RASGRP3: variants seen among roughly 807,000 people sequenced by gnomAD.
RASGRP3 encodes the protein ras guanyl-releasing protein 3.
A neutral mutation model predicts 82.7 loss-of-function variants in RASGRP3; 54 were observed. The ratio of observed to expected loss-of-function variants is 0.65; its 90% CI spans 0.52 to 0.82. RASGRP3 has a LOEUF of 0.82. Among genes scored for constraint, RASGRP3 ranks in the 40% least tolerant of loss-of-function variants. The probability of loss-of-function intolerance (pLI) is 0.00; values close to 1 mark genes in which losing one functional copy is unlikely to be tolerated. For synonymous variants in RASGRP3, 309 were observed against 300.5 expected, an observed-to-expected ratio of 1.03 and a Z score of -0.29; for missense variants, 861 against 828.9, an observed-to-expected ratio of 1.04 and a Z score of -0.48.
intron 12 of RASGRP3, among the ~76,000 whole-genome samples, chr2:33,540,778 G>C (rs978735187): frequency 1.4e-5 from 2 of 145,274 alleles, no homozygotes; most frequent in East Asian, 3.9e-4. Flanking sequence ...TATAAATATG[G>C]ATGTTAAACT....
At chr2:33,520,451 C>T in intron 5 of RASGRP3, 102 bp from the exon 6 acceptor site, 2 of 1,454,406 alleles carry the variant, frequency 1.4e-6, no homozygotes, top group South Asian at 1.3e-5. Flanking sequence ...CCTGGATGGT[C>T]CTGGACTTGG....
At chr2:33,517,077 T>G (rs1671540331) in intron 4 of RASGRP3, among the ~76,000 whole-genome samples, 1 of 152,194 alleles carries the variant, frequency 6.6e-6, no homozygotes, top group South Asian at 2.1e-4. Context: ...AAACATCAAT[T>G]TAGTTTTCAC....
intron 1 of RASGRP3, among the ~76,000 whole-genome samples, chr2:33,480,379 T>C (rs1404786090): frequency 6.6e-6 from 1 of 152,182 alleles, no homozygotes; most frequent in African/African-American, 2.4e-5. Flanking sequence ...TAATTCCACC[T>C]GCCTGCTGCC....
chr2:33,510,575 G>A (rs754348949), intron 1 of RASGRP3, among the ~76,000 whole-genome samples: 2 of 151,946 alleles, frequency 1.3e-5, no homozygotes, highest in East Asian at 1.9e-4. Flanking sequence ...TCTCCCTTTC[G>A]CTTCTACAAA....
Position 33,437,193 on chromosome 2 carries a change from T to A in RASGRP3, c.-385+602T>A, listed in dbSNP as rs927596126. Among the ~76,000 whole-genome samples the A allele has an allele frequency of 3.9e-5, 6 of 152,158 alleles. No homozygotes were observed. The East Asian group carries it at 1.2e-3, about 29-fold the overall frequency. On this transcript the variant is annotated intron_variant, in intron 1 of 18. Coordinates refer to the RASGRP3 transcript ENST00000402538. ...AGTGATAGAAAGTGTTCATAGTAGT[T>A]ATGTAGATTTAAATTATTATTTCCA...
rs760742886 is a variant in RASGRP3 at position 33,558,856 on chromosome 2, C to T, written c.1890C>T (p.Ser630=). ...WSEAGWGDSG[S]HTFPKMKSKF... ...AGGCTGGCTGGGGGGACTCGGGGTCCCACACCTTCCCTAAAATGAAATCCA... is the reference window on the plus strand; with the variant it reads ...AGGCTGGCTGGGGGGACTCGGGGTCTCACACCTTCCCTAAAATGAAATCCA... The change falls in exon 17 of 18, where the codon TCC becomes TCT. Residue 630 remains serine, a synonymous_variant. Transcript: ENST00000403687. 1 of 1,613,930 alleles carries T rather than the reference C, an allele frequency of 6.2e-7. No homozygotes were observed. The highest frequency in any genetic ancestry group is 1.1e-5 in the South Asian group (1 of 91,072).
chr2:33,503,243 G>C (rs1488170105), intron 1 of RASGRP3, among the ~76,000 whole-genome samples: 1 of 152,174 alleles, frequency 6.6e-6, no homozygotes, highest in Non-Finnish European at 1.5e-5. Context: ...GGAGGGCAGA[G>C]TCGTAGTATT....
At chr2:33,458,124 T>G (rs541147605) in intron 2 of RASGRP3, 1 of 152,300 alleles carries the variant, frequency 6.6e-6, no homozygotes, top group Non-Finnish European at 1.5e-5. Context: ...ACAGACCATC[T>G]GGGCCAGTAA....
rs10183876 is a variant in RASGRP3, at chr2:33,455,389, G to A, written c.-261+7446G>A. On this transcript the variant is annotated intron_variant, in intron 2 of 18. Transcript: ENST00000402538. The stretch of plus-strand genomic sequence containing the variant: ...GGATGTATAAGAAGCCACATCTTTT[G>A]ATTCTTAGTCCTGTGCAATTTTTAT... Among the ~76,000 whole-genome samples the A allele has an allele frequency of 5.0e-3, 762 of 152,290 alleles. 9 individuals are homozygous for A. Among genetic ancestry groups the A allele is most frequent in the African/African-American group, 0.018 (728 of 41,566 alleles).
At chr2:33,506,119 G>C (rs964881576) in intron 1 of RASGRP3, among the ~76,000 whole-genome samples, 1 of 152,172 alleles carries the variant, frequency 6.6e-6, no homozygotes, top group East Asian at 1.9e-4. Context: ...ATTGACTTCT[G>C]TTCAGTACTT....
chr2:33,513,546 C>T (rs3754823), intron 2 of RASGRP3, among the ~76,000 whole-genome samples: 44,967 of 152,072 alleles, frequency 0.3, 7,597 homozygotes, highest in Middle Eastern at 0.46. Context: ...TAGACATTGA[C>T]TTTAAACAGC....
intron 12 of RASGRP3, among the ~76,000 whole-genome samples, chr2:33,542,413 A>T (rs1175508140): frequency 6.8e-6 from 1 of 147,202 alleles, no homozygotes; most frequent in East Asian, 1.9e-4. Flanking sequence ...GCCTGTTTTC[A>T]ACATGCCCAC....
chr2:33,547,674 C>T (rs1345364915), intron 13 of RASGRP3, among the ~76,000 whole-genome samples: 1 of 152,072 alleles, frequency 6.6e-6, no homozygotes, highest in Non-Finnish European at 1.5e-5. Flanking sequence ...TCTTCAGCCC[C>T]ACTGTAAGCT....
At chr2:33,486,949 TG>T (rs1234702451) in intron 1 of RASGRP3, among the ~76,000 whole-genome samples, 1 of 152,116 alleles carries the variant, frequency 6.6e-6, no homozygotes, top group African/African-American at 2.4e-5. Context: ...GATTTATATA[TG>T]GCAAATTTCA....
At position 33,543,465 on chromosome 2, in the gene RASGRP3, G is replaced by T; in HGVS notation, c.1279-47G>T. The T allele has an allele frequency of 3.2e-6, 4 of 1,243,396 alleles. No individual in the cohort carries two copies. The South Asian group carries it at 5.4e-5, about 17-fold the overall frequency. 77.0% of individuals were successfully genotyped at this position (1,243,396 alleles called of 1,614,324 possible). A position where few individuals can be genotyped will look rare whatever the true frequency, so the allele number is the denominator to read the frequency against. Reference sequence around the variant, plus strand: ...CGTTGCTTTTGCAATAACAAGTTCAGAGCCTGCCTTATAGTCATTCAATAA... The same window carrying T: ...CGTTGCTTTTGCAATAACAAGTTCATAGCCTGCCTTATAGTCATTCAATAA... On this transcript the variant is annotated intron_variant, in intron 12 of 17. Coordinates refer to ENST00000403687, the MANE Select transcript of RASGRP3 (RefSeq NM_001139488.2).
chr2:33,487,485 G>A (rs1668495525), intron 1 of RASGRP3, among the ~76,000 whole-genome samples: 1 of 152,122 alleles, frequency 6.6e-6, no homozygotes, highest in South Asian at 2.1e-4. Context: ...AAGAAGTTTT[G>A]GAGGTTTTAA....
At chr2:33,531,323 C>T (rs1673090571) in intron 10 of RASGRP3, among the ~76,000 whole-genome samples, 1 of 152,196 alleles carries the variant, frequency 6.6e-6, no homozygotes, top group Non-Finnish European at 1.5e-5. Context: ...CATTGATGAG[C>T]AGCCCATATT....
At chr2:33,439,183 C>T (rs1383042818) in intron 1 of RASGRP3, among the ~76,000 whole-genome samples, 1 of 152,166 alleles carries the variant, frequency 6.6e-6, no homozygotes, top group Non-Finnish European at 1.5e-5. Context: ...AGTTTTCTAA[C>T]TTACAATATA....
intron 2 of RASGRP3, among the ~76,000 whole-genome samples, chr2:33,460,221 C>G (rs537098929): frequency 1.3e-5 from 2 of 152,246 alleles, no homozygotes; most frequent in East Asian, 3.9e-4. Flanking sequence ...TAAATCAAAT[C>G]TATATGATTG....
Sources: allele counts gnomAD v4.1 joint callset (sites outside exome capture counted in the v4.1 genomes callset), GRCh38; gene constraint gnomAD v4.1.1; transcripts MANE v1.5; gene names NCBI Gene and HGNC (gene_info 2026-07-23, HGNC 2026-07-21).